The following MRPL43 variants were observed in gnomAD, a reference collection of about 807,000 sequenced individuals.
MRPL43 encodes large ribosomal subunit protein mL43.
A neutral mutation model predicts 12.7 loss-of-function variants in MRPL43; 9 were observed. That is an observed-to-expected ratio of 0.71 (90% CI 0.43 to 1.24). MRPL43 has a LOEUF of 1.24. Among genes scored for constraint, MRPL43 ranks in the 50% most tolerant of loss-of-function variants. The pLI, the probability that MRPL43 is intolerant of heterozygous loss-of-function variation, is 0.00. For synonymous variants in MRPL43, 116 were observed against 96.4 expected (o/e 1.20, Z -1.19); for missense variants, 211 against 229.2 (o/e 0.92, Z 0.51).
chr10:100,984,580 G>A (rs1447859281), downstream of MRPL43: 1 of 1,536,156 alleles, frequency 6.5e-7, no homozygotes, highest in Non-Finnish European at 8.7e-7. Flanking sequence ...CAAGACCTCT[G>A]CCAGCCACCT....
At chr10:100,982,343 G>A (rs918264918), downstream of MRPL43, among the ~76,000 whole-genome samples, 2 of 152,208 alleles carry the variant, frequency 1.3e-5, no homozygotes, top group Non-Finnish European at 2.9e-5. Context: ...AAGAGTTTTA[G>A]GCTGGAGAGT....
downstream of MRPL43, chr10:100,984,007 T>G: frequency 6.2e-7 from 1 of 1,613,114 alleles, no homozygotes; most frequent in Non-Finnish European, 8.5e-7. Context: ...AGCTATGTGC[T>G]TCTGAGGCAG....
rs754029482 is a variant in MRPL43, at chr10:100,987,130, G to A, written c.198C>T (p.Asn66=). Residue 66 remains asparagine (N), a synonymous_variant, in exon 2 of 3, where the codon AAC becomes AAT. Transcript: ENST00000318364. ...RRNPGVVIYV[N]SRPCCVPRVV... ...CTCTGGGCACGCAGCACGGACGCGA[G>A]TTTACATATATTACGACCCCTGGAT... 7 of 1,613,794 alleles carry A rather than the reference G, an allele frequency of 4.3e-6. No homozygotes were observed. The Admixed American group carries it at 1.2e-4, about 27-fold the overall frequency.
chr10:100,985,002 T>C (rs956410819), downstream of MRPL43: 14 of 1,246,710 alleles, frequency 1.1e-5, no homozygotes, highest in African/African-American at 2.1e-4. Context: ...CCTCCCTTGC[T>C]GTCTTGGACC....
At chr10:100,985,305 G>T (rs722435), downstream of MRPL43, 46,145 of 169,116 alleles carry the variant, frequency 0.27, 7,295 homozygotes, top group East Asian at 0.55. Flanking sequence ...ACTTTCAGGG[G>T]CCAGGGGCCT....
At chr10:100,980,271 C>T, downstream of MRPL43, 1 of 1,614,246 alleles carries the variant, frequency 6.2e-7, no homozygotes. Flanking sequence ...GCAACATACG[C>T]TACACACACC....
downstream of MRPL43, chr10:100,983,237 G>C: frequency 6.9e-7 from 1 of 1,452,090 alleles, no homozygotes; most frequent in Admixed American, 2.7e-5. Flanking sequence ...GCAGTGAACA[G>C]TCTGGCTTGC....
chr10:100,983,211 T>C, downstream of MRPL43: 1 of 1,363,024 alleles, frequency 7.3e-7, no homozygotes, highest in Non-Finnish European at 9.8e-7. Flanking sequence ...GTTCTGTGCT[T>C]GGTGCCAGGG....
chr10:100,984,084 A>G (rs1177109703), downstream of MRPL43: 1 of 1,613,476 alleles, frequency 6.2e-7, no homozygotes, highest in South Asian at 1.1e-5. Flanking sequence ...CCTGGAAAAA[A>G]GGAAGCACAC....
downstream of MRPL43, chr10:100,984,924 A>G: frequency 2.1e-6 from 3 of 1,446,032 alleles, no homozygotes; most frequent in Non-Finnish European, 2.7e-6. Flanking sequence ...TCCCATCCCC[A>G]TGCACATGTG....
chr10:100,984,451 GTTCCA>G, downstream of MRPL43: 1 of 1,514,992 alleles, frequency 6.6e-7, no homozygotes, highest in Non-Finnish European at 8.8e-7. Flanking sequence ...CCATCCTCCT[GTTCCA>G]TTCATCTGCC....
chr10:100,985,749 A>T (rs41444045), downstream of MRPL43: 6,195 of 152,456 alleles, frequency 0.041, 156 homozygotes, highest in Non-Finnish European at 0.063. Flanking sequence ...TGCAGAGGAA[A>T]TTGGGATCCT....
downstream of MRPL43, chr10:100,984,592 A>C: frequency 1.3e-6 from 2 of 1,536,170 alleles, 1 homozygote; most frequent in East Asian, 4.9e-5. Flanking sequence ...CAGCCACCTA[A>C]GCCCTGCGTA....
At chr10:100,978,200 C>A, downstream of MRPL43, 1 of 841,776 alleles carries the variant, frequency 1.2e-6, no homozygotes, top group South Asian at 1.6e-5. Context: ...GCCCCTATCC[C>A]TGATCGCTGA....
downstream of MRPL43, chr10:100,979,508 G>T: frequency 9.0e-7 from 1 of 1,113,394 alleles, no homozygotes; most frequent in Non-Finnish European, 1.2e-6. Flanking sequence ...TCGGCCTCCC[G>T]AGTAGCTGGG....
downstream of MRPL43, chr10:100,979,386 A>ATT (rs35784439): frequency 7.7e-4 from 1,125 of 1,462,862 alleles, no homozygotes; most frequent in Middle Eastern, 8.7e-4. Context: ...CAAAGTGAGA[A>ATT]TTTTTTTTTT....
chr10:100,980,031 A>G (rs1442741675), downstream of MRPL43: 24 of 1,613,686 alleles, frequency 1.5e-5, no homozygotes, highest in Non-Finnish European at 1.9e-5. Context: ...GAGTAGACAG[A>G]GCCCAGGGAA....
downstream of MRPL43, chr10:100,979,065 G>A: frequency 3.1e-6 from 5 of 1,613,088 alleles, no homozygotes; most frequent in Non-Finnish European, 4.2e-6. Flanking sequence ...CTGGACCTCT[G>A]ACCCTGGCCC....
Position 100,986,740 on chromosome 10 carries a change from T to G in MRPL43, c.474A>C (p.Ala158=). The G allele has an allele frequency of 6.2e-7, 1 of 1,613,860 alleles. No homozygotes were observed. The highest frequency in any genetic ancestry group is 8.5e-7 in the Non-Finnish European group (1 of 1,179,996). Residue 158 remains alanine (A), a synonymous_variant, in exon 3 of 3, where the codon GCA becomes GCC. Transcript: ENST00000318364. ...VQDPAPAQVQ[A]Q ...CAGTTGGTGGGGCAACTCTTCACTG[T>G]GCTTGCACCTGGGCTGGGGCAGGAT...
Sources: allele counts gnomAD v4.1 joint callset (sites outside exome capture counted in the v4.1 genomes callset), GRCh38; gene constraint gnomAD v4.1.1; transcripts MANE v1.5; gene names NCBI Gene and HGNC (gene_info 2026-07-23, HGNC 2026-07-21).